Variants in SCN2A observed in about 807,000 individuals in gnomAD.
SCN2A encodes the protein sodium channel protein type 2 subunit alpha.
A neutral mutation model predicts 188.7 loss-of-function variants in SCN2A; 20 were observed. That is an observed-to-expected ratio of 0.11 (90% CI 0.07 to 0.15). SCN2A has a LOEUF of 0.15. Ranked by LOEUF, SCN2A falls within the 10% of genes least tolerant of loss-of-function variation. The probability of loss-of-function intolerance (pLI) is 1.00; values close to 1 mark genes in which losing one functional copy is unlikely to be tolerated. For missense variants in SCN2A, 1,278 were observed against 2,445.0 expected (o/e 0.52, Z 10.07); for synonymous variants, 804 against 833.1 (o/e 0.97, Z 0.60).
chr2:165,381,828 GA>G (rs1574734163), intron 25 of SCN2A, among the ~76,000 whole-genome samples: 1 of 152,074 alleles, frequency 6.6e-6, no homozygotes, highest in East Asian at 1.9e-4. Context: ...GCTGCCAGGA[GA>G]ATCGCTAAGT....
At chr2:165,335,860 T>C (rs536059495) in intron 14 of SCN2A, among the ~76,000 whole-genome samples, 2 of 151,998 alleles carry the variant, frequency 1.3e-5, no homozygotes, top group East Asian at 3.9e-4. Flanking sequence ...GATCATGATT[T>C]GTATCTAATA....
At chr2:165,263,631 T>C (rs528080941) in intron 1 of SCN2A, among the ~76,000 whole-genome samples, 1 of 152,268 alleles carries the variant, frequency 6.6e-6, no homozygotes, top group Non-Finnish European at 1.5e-5. Context: ...GCCCTATAGT[T>C]TGAATTCAGG....
rs201918346 is a variant in SCN2A at position 165,297,152 on chromosome 2, C to T, written c.386+17C>T. The T allele has an allele frequency of 8.3e-4, 1,148 of 1,376,176 alleles. 1 individual carries two copies. Among genetic ancestry groups the T allele is most frequent in the Non-Finnish European group, 1.0e-3 (1,004 of 964,630 alleles). The allele number at this position is 1,376,176 out of a possible 1,614,324, so 85.2% of individuals were successfully genotyped here. A position where few individuals can be genotyped will look rare whatever the true frequency, so the allele number is the denominator to read the frequency against. On this transcript the variant is annotated intron_variant, in intron 3 of 26. Transcript: ENST00000375437. ...GGTACATTCATATCCTTTTTCAAAT[C>T]GTCACTTAATATGATTTTCTTCTTT...
chr2:165,345,641 C>A (rs537715747), intron 16 of SCN2A, among the ~76,000 whole-genome samples: 2 of 151,648 alleles, frequency 1.3e-5, no homozygotes, highest in Non-Finnish European at 2.9e-5. Flanking sequence ...CACAGCACAC[C>A]GATGGGTCTT....
chr2:165,309,759 A>G (rs1697334892), intron 6 of SCN2A, among the ~76,000 whole-genome samples: 1 of 152,138 alleles, frequency 6.6e-6, no homozygotes, highest in South Asian at 2.1e-4. Context: ...ACTGATGCAA[A>G]TTTGACAGTT....
intron 13 of SCN2A, chr2:165,327,276 G>A (rs865916292): frequency 2.6e-6 from 1 of 386,350 alleles, no homozygotes; most frequent in Non-Finnish European, 4.9e-6. Context: ...TGAAAAGAGT[G>A]TAATGATAAA....
chr2:165,313,961 C>G lies in SCN2A; in HGVS notation c.1236C>G (p.Gly412=), dbSNP rs766393614. 2 of 1,613,796 alleles carry G rather than the reference C, an allele frequency of 1.2e-6. No individual in the cohort carries two copies. Among genetic ancestry groups the G allele is most frequent in the Non-Finnish European group, 1.7e-6 (2 of 1,179,782 alleles). The change falls in exon 10 of 27, where the codon GGC becomes GGG. Residue 412 remains glycine, a synonymous_variant. Coordinates refer to ENST00000375437, the MANE Select transcript of SCN2A (RefSeq NM_001040142.2). ...MIFFVLVIFL[G]SFYLINLILA... ...TTTTTGTGCTGGTCATTTTCTTGGG[C>G]TCATTCTATCTAATAAATTTGATCT...
At chr2:165,261,231 G>T (rs1284158437) in intron 1 of SCN2A, among the ~76,000 whole-genome samples, 1 of 152,160 alleles carries the variant, frequency 6.6e-6, no homozygotes, top group African/African-American at 2.4e-5. Flanking sequence ...CAAATATAGA[G>T]AGCCAACTAT....
In SCN2A at chr2:165,326,946, C is replaced by T. The variant is rs931140649; in HGVS notation, c.2111C>T (p.Ala704Val). The part of the protein sequence containing the change: ...LLEDPTSRQR[A>V]MSIASILTNT... ...GAAGATCCTACATCAAGGCAAAGAGCAATGAGTATAGCCAGTATTTTGACC... is the reference window on the plus strand; with the variant it reads ...GAAGATCCTACATCAAGGCAAAGAGTAATGAGTATAGCCAGTATTTTGACC... Residue 704 changes from alanine to valine, a missense_variant, in exon 13 of 27, where the codon GCA (alanine) becomes GTA (valine). Around this residue, in one of 17 missense-constraint regions of SCN2A, gnomAD observed 315 missense variants for 386.6 expected, o/e 0.81. Coordinates refer to ENST00000375437, the MANE Select transcript of SCN2A (RefSeq NM_001040142.2). The T allele has an allele frequency of 1.2e-6, 2 of 1,613,952 alleles. No homozygotes were observed. Among genetic ancestry groups the T allele is most frequent in the Non-Finnish European group, 1.7e-6 (2 of 1,179,904 alleles).
In SCN2A at chr2:165,295,971, C is replaced by G; in HGVS notation, c.148C>G (p.Pro50Ala). The G allele has an allele frequency of 6.2e-7, 1 of 1,614,010 alleles. No individual in the cohort carries two copies. The highest frequency in any genetic ancestry group is 8.5e-7 in the Non-Finnish European group (1 of 1,179,992). ...CAAGGATGAGGATGATGAAAATGGC[C>G]CAAAGCCAAACAGTGACTTGGAAGC... is the stretch of plus-strand genomic sequence containing the variant. ...ERKDEDDENG[P>A]KPNSDLEAGK... The change falls in exon 2 of 27, where the codon CCA becomes GCA. Residue 50 changes from proline (P) to alanine (A), a missense_variant. Physicochemically the swap from Pro to Ala is conservative, Grantham distance 27. Coordinates refer to ENST00000375437, the MANE Select transcript of SCN2A (RefSeq NM_001040142.2).
intron 1 of SCN2A, among the ~76,000 whole-genome samples, chr2:165,283,768 G>T (rs1695693817): frequency 6.6e-6 from 1 of 152,126 alleles, no homozygotes; most frequent in Non-Finnish European, 1.5e-5. Context: ...CCCTGGGGGA[G>T]AAATGGAACA....
chr2:165,345,025 C>A, intron 16 of SCN2A, 114 bp downstream of exon 16: 1 of 1,304,036 alleles, frequency 7.7e-7, no homozygotes, highest in Non-Finnish European at 1.1e-6. Flanking sequence ...TTCCTATTGT[C>A]TATTACTCAT....
At chr2:165,256,683 A>G (rs1311061464) in intron 1 of SCN2A, among the ~76,000 whole-genome samples, 1 of 152,200 alleles carries the variant, frequency 6.6e-6, no homozygotes, top group Non-Finnish European at 1.5e-5. Flanking sequence ...GCTAACTGTC[A>G]GCTTTCCTTT....
intron 26 of SCN2A, among the ~76,000 whole-genome samples, 190 bp downstream of exon 26, chr2:165,387,206 A>C (rs529575331): frequency 6.6e-6 from 1 of 152,312 alleles, no homozygotes; most frequent in South Asian, 2.1e-4. Flanking sequence ...GATGAGTGGA[A>C]TACAAGGAAT....
chr2:165,251,427 G>A (rs540305512), intron 1 of SCN2A, among the ~76,000 whole-genome samples: 2 of 152,190 alleles, frequency 1.3e-5, no homozygotes, highest in African/African-American at 2.4e-5. Context: ...CAAATATAGC[G>A]TGATGATATT....
At chr2:165,334,584 A>C (rs1698883550) in intron 14 of SCN2A, among the ~76,000 whole-genome samples, 1 of 151,866 alleles carries the variant, frequency 6.6e-6, no homozygotes, top group Non-Finnish European at 1.5e-5. Flanking sequence ...TTTCATGATA[A>C]AAACACTCAG....
intron 14 of SCN2A, among the ~76,000 whole-genome samples, chr2:165,335,487 A>T (rs985552986): frequency 6.6e-6 from 1 of 151,768 alleles, no homozygotes; most frequent in Non-Finnish European, 1.5e-5. Flanking sequence ...CAAGACCACT[A>T]GACAATTTTA....
chr2:165,294,733 G>A (rs962460237), intron 1 of SCN2A, among the ~76,000 whole-genome samples: 28 of 152,264 alleles, frequency 1.8e-4, no homozygotes, highest in Middle Eastern at 6.8e-3. Flanking sequence ...CACTGGTTCA[G>A]AGGTAACATT....
intron 1 of SCN2A, among the ~76,000 whole-genome samples, chr2:165,283,687 A>G (rs79219074): frequency 0.01 from 1,559 of 152,318 alleles, 26 homozygotes; most frequent in African/African-American, 0.036. Context: ...AAAGGGATCC[A>G]GTGACTTTTA....
Sources: gnomAD v4.1 joint callset for allele counts (sites outside exome capture counted in the v4.1 genomes callset) on GRCh38, gnomAD v4.1.1 for gene constraint, gnomAD v4.1.1 regional missense constraint, MANE v1.5 for transcripts, NCBI Gene and HGNC (gene_info 2026-07-23, HGNC 2026-07-21) for gene names.